The following STK3 variants were observed in gnomAD, a reference collection of about 807,000 sequenced individuals.
STK3 encodes serine/threonine-protein kinase 3.
Under a neutral mutation model 58.0 loss-of-function variants are expected in STK3, and 41 were observed. That is an observed-to-expected ratio of 0.71 (90% CI 0.55 to 0.92). STK3 has a LOEUF of 0.92. STK3 is among the 40% of genes least tolerant of loss of function. STK3 has a pLI of 0.00. For missense variants in STK3, 479 were observed against 602.7 expected (o/e 0.79, Z 2.15); for synonymous variants, 170 against 191.0 (o/e 0.89, Z 0.91).
At chr8:98,914,318 C>T (rs567986564) in intron 1 of STK3, among the ~76,000 whole-genome samples, 7 of 151,986 alleles carry the variant, frequency 4.6e-5, no homozygotes, top group Non-Finnish European at 8.8e-5. Context: ...GTGGGAGGAT[C>T]GCTCACTCGA....
intron 1 of STK3, among the ~76,000 whole-genome samples, chr8:98,923,878 T>C (rs1295693382): frequency 2.1e-5 from 3 of 139,978 alleles, no homozygotes; most frequent in East Asian, 2.2e-4. Flanking sequence ...CGCGCGCGCG[T>C]TGACAATGAT....
At chr8:98,426,752 C>T (rs1818238884) in intron 3 of STK3, among the ~76,000 whole-genome samples, 1 of 152,178 alleles carries the variant, frequency 6.6e-6, no homozygotes, top group South Asian at 2.1e-4. Flanking sequence ...TAGGCAGCCC[C>T]CTGCCTGCGC....
At chr8:98,368,728 A>G (rs1817586545), downstream of STK3, among the ~76,000 whole-genome samples, 1 of 152,216 alleles carries the variant, frequency 6.6e-6, no homozygotes. Flanking sequence ...TTTGTCACAG[A>G]TGAACTGTGA....
intron 1 of STK3, among the ~76,000 whole-genome samples, chr8:98,907,497 G>A (rs1838962744): frequency 6.6e-6 from 1 of 151,872 alleles, no homozygotes; most frequent in Non-Finnish European, 1.5e-5. Flanking sequence ...TGGGCGACAG[G>A]GAGAGACTCC....
intron 3 of STK3, among the ~76,000 whole-genome samples, chr8:98,426,415 G>A (rs1202967494): frequency 2.0e-5 from 3 of 152,176 alleles, no homozygotes; most frequent in Non-Finnish European, 4.4e-5. Flanking sequence ...GTCCCGCACA[G>A]CCAGCACACC....
At chr8:98,888,271 A>C (rs1323572918) in intron 1 of STK3, among the ~76,000 whole-genome samples, 1 of 152,166 alleles carries the variant, frequency 6.6e-6, no homozygotes, top group African/African-American at 2.4e-5. Flanking sequence ...GTGAGCCGAG[A>C]TTGCACCACT....
chr8:98,909,628 C>T (rs1839055871), intron 1 of STK3, among the ~76,000 whole-genome samples: 2 of 152,314 alleles, frequency 1.3e-5, no homozygotes, highest in African/African-American at 2.4e-5. Flanking sequence ...TTGTGACTGG[C>T]TTCTTTCACT....
downstream of STK3, among the ~76,000 whole-genome samples, chr8:98,453,502 G>A (rs552373394): frequency 9.9e-5 from 15 of 152,242 alleles, no homozygotes; most frequent in East Asian, 2.9e-3. Context: ...AAAATGTTTT[G>A]GAGTTTCCTA....
At chr8:98,579,833 C>T (rs369658468) in intron 7 of STK3, 44 bp from the exon 8 acceptor site, 32 of 1,493,432 alleles carry the variant, frequency 2.1e-5, no homozygotes, top group African/African-American at 4.3e-5. Flanking sequence ...AAGATTTTTC[C>T]GAATTATAGC....
intron 6 of STK3, among the ~76,000 whole-genome samples, chr8:98,657,305 A>G (rs547035726): frequency 6.6e-6 from 1 of 152,206 alleles, no homozygotes; most frequent in East Asian, 1.9e-4. Flanking sequence ...ATGAAAATAA[A>G]AATGCTATAA....
chr8:98,735,955 GTGAAGTA>G (rs1441602273), intron 4 of STK3, among the ~76,000 whole-genome samples: 1 of 151,998 alleles, frequency 6.6e-6, no homozygotes, highest in African/African-American at 2.4e-5. Flanking sequence ...TTTAAAATAT[GTGAAGTA>G]CTCATATAAC....
chr8:98,723,656 A>G (rs1827600984), intron 4 of STK3, among the ~76,000 whole-genome samples: 1 of 152,186 alleles, frequency 6.6e-6, no homozygotes, highest in South Asian at 2.1e-4. Flanking sequence ...TTATGCATAT[A>G]AAATGACGCA....
rs551866475 is a variant in STK3, at chr8:98,895,606, G to A, written c.-78-11772C>T. Among the ~76,000 whole-genome samples, 13 of 152,286 alleles carry A rather than the reference G, an allele frequency of 8.5e-5. 1 individual carries two copies. In the South Asian group the frequency reaches 2.5e-3, roughly 29 times the overall value. Reference sequence around the variant, plus strand: ...TATGCTGCTGTCCTTAAACAAAGAAGCGTATGGCTTGATGGCTACAGGCAG... The same window carrying A: ...TATGCTGCTGTCCTTAAACAAAGAAACGTATGGCTTGATGGCTACAGGCAG... On this transcript the variant is annotated intron_variant, in intron 1 of 1. Transcript: ENST00000519420.
At chr8:98,584,079 T>A (rs537336687) in intron 7 of STK3, among the ~76,000 whole-genome samples, 1 of 147,856 alleles carries the variant, frequency 6.8e-6, no homozygotes, top group South Asian at 2.1e-4. Context: ...AGTGAAAATC[T>A]TTTTTTTTTT....
chr8:98,456,651 C>G (rs1293567340), intron 10 of STK3, among the ~76,000 whole-genome samples: 1 of 152,044 alleles, frequency 6.6e-6, no homozygotes, highest in Non-Finnish European at 1.5e-5. Flanking sequence ...TTTTTTGACA[C>G]AAGGTCTCAA....
intron 6 of STK3, among the ~76,000 whole-genome samples, chr8:98,614,643 C>T (rs1190945451): frequency 1.3e-5 from 2 of 152,186 alleles, no homozygotes; most frequent in Non-Finnish European, 1.5e-5. Flanking sequence ...ATTGCCTCAC[C>T]TGGGAAGCGC....
At chr8:98,594,416 A>G (rs2129954128) in intron 7 of STK3, among the ~76,000 whole-genome samples, 1 of 152,098 alleles carries the variant, frequency 6.6e-6, no homozygotes, top group African/African-American at 2.4e-5. Context: ...CCTGATCAAC[A>G]TGGCGAAACT....
At chr8:98,576,951 G>A (rs1231738884) in intron 8 of STK3, among the ~76,000 whole-genome samples, 1 of 152,116 alleles carries the variant, frequency 6.6e-6, no homozygotes, top group Non-Finnish European at 1.5e-5. Context: ...GAGCTACACC[G>A]GGAATATGGG....
At chr8:98,709,353 T>C (rs1318877358) in intron 4 of STK3, among the ~76,000 whole-genome samples, 1 of 151,956 alleles carries the variant, frequency 6.6e-6, no homozygotes, top group African/African-American at 2.4e-5. Context: ...TCTGGGAACA[T>C]ACACTCCACA....
Sources: allele counts gnomAD v4.1 joint callset (sites outside exome capture counted in the v4.1 genomes callset), GRCh38; gene constraint gnomAD v4.1.1; transcripts MANE v1.5; gene names NCBI Gene and HGNC (gene_info 2026-07-23, HGNC 2026-07-21).